Variants in CACNA1A observed in about 807,000 individuals in gnomAD.
CACNA1A encodes the protein voltage-dependent P/Q-type calcium channel subunit alpha-1A.
A neutral mutation model predicts 262.4 loss-of-function variants in CACNA1A; 57 were observed. That is an observed-to-expected ratio of 0.22 (90% CI 0.18 to 0.27). CACNA1A has a LOEUF of 0.27. Among genes scored for constraint, CACNA1A ranks in the 10% least tolerant of loss-of-function variants. CACNA1A has a pLI of 1.00. For synonymous variants in CACNA1A, 1,431 were observed against 1,419.3 expected, an observed-to-expected ratio of 1.01 and a Z score of -0.18; for missense variants, 2,526 against 3,562.8, an observed-to-expected ratio of 0.71 and a Z score of 7.41.
intron 3 of CACNA1A, among the ~76,000 whole-genome samples, chr19:13,440,556 A>G (rs1157588602): frequency 6.6e-6 from 1 of 152,196 alleles, no homozygotes; most frequent in East Asian, 1.9e-4. Context: ...AATATAATTG[A>G]GCACTTATTC....
intron 3 of CACNA1A, among the ~76,000 whole-genome samples, chr19:13,427,408 T>C (rs1224060966): frequency 2.6e-5 from 4 of 151,728 alleles, no homozygotes; most frequent in Non-Finnish European, 4.4e-5. Flanking sequence ...GCCGAGATCA[T>C]GCCATTGCAT....
chr19:13,209,321 C>A lies in CACNA1A; in HGVS notation c.6517G>T (p.Val2173Leu). ...SERSLGRYTD[V>L]DTGLGTDLSM... ...CCACAGGGCTGCCCACCTGTGTCCACATCGGTGTAGCGGCCCAGGGAGCGC... is the reference window on the plus strand; with the variant it reads ...CCACAGGGCTGCCCACCTGTGTCCAAATCGGTGTAGCGGCCCAGGGAGCGC... Residue 2173 changes from valine (V) to leucine (L), a missense_variant, in exon 45 of 47, where the codon GTG becomes TTG. Val to Leu is a conservative substitution (Grantham distance 32). Around this residue, in one of 17 missense-constraint regions of CACNA1A, gnomAD observed 929 missense variants for 868.1 expected, o/e 1.07. Coordinates refer to ENST00000360228, the MANE Select transcript of CACNA1A (RefSeq NM_001127222.2). 2.8e-6 allele frequency: 4 copies of A among 1,406,660 alleles called. No homozygotes were observed. Among genetic ancestry groups the A allele is most frequent in the Non-Finnish European group, 3.7e-6 (4 of 1,076,720 alleles). 87.1% of individuals were successfully genotyped at this position (1,406,660 alleles called of 1,614,324 possible).
chr19:13,451,018 T>C (rs2060905517), intron 3 of CACNA1A: 1 of 152,190 alleles, frequency 6.6e-6, no homozygotes, highest in Non-Finnish European at 1.5e-5. Flanking sequence ...TAGATGAGTT[T>C]CCTAGTAGAC....
intron 3 of CACNA1A, among the ~76,000 whole-genome samples, chr19:13,430,204 A>AAT (rs371009661): frequency 0.12 from 10,581 of 86,158 alleles, 592 homozygotes; most frequent in African/African-American, 0.27. Context: ...ACCACAATGA[A>AAT]ATATATATAT....
chr19:13,455,622 C>A (rs144604901), intron 1 of CACNA1A, among the ~76,000 whole-genome samples: 1 of 152,212 alleles, frequency 6.6e-6, no homozygotes, highest in East Asian at 1.9e-4. Flanking sequence ...ACTGCATATA[C>A]CATGTTATAC....
chr19:13,431,135 G>A (rs559275153), intron 3 of CACNA1A, among the ~76,000 whole-genome samples: 4 of 152,064 alleles, frequency 2.6e-5, no homozygotes, highest in African/African-American at 7.2e-5. Context: ...GAGGTTGTGA[G>A]CAAAGAGGAG....
chr19:13,390,254 C>T (rs923964464), intron 3 of CACNA1A, among the ~76,000 whole-genome samples: 1 of 152,154 alleles, frequency 6.6e-6, no homozygotes, highest in Non-Finnish European at 1.5e-5. Flanking sequence ...GCTGGGACTA[C>T]AGGCATGCAA....
intron 22 of CACNA1A, among the ~76,000 whole-genome samples, chr19:13,279,344 G>A (rs1214869838): frequency 6.6e-6 from 1 of 152,092 alleles, no homozygotes; most frequent in Admixed American, 6.6e-5. Flanking sequence ...ACAGGGAAAT[G>A]CCAAGCACAA....
chr19:13,340,209 T>C (rs951323170), intron 6 of CACNA1A, among the ~76,000 whole-genome samples: 16 of 151,916 alleles, frequency 1.1e-4, no homozygotes, highest in African/African-American at 3.9e-4. Flanking sequence ...AGCCCGTCCA[T>C]CTCAGGTGCT....
chr19:13,506,407 G>C lies in CACNA1A; in HGVS notation c.-183C>G. ...GGCGGCGGCTCGGCGCCTCGGGTCG[G>C]GGGCTCAGAAGGCGGCTGCCCGGGC... On this transcript the variant is annotated 5_prime_UTR_variant, in exon 1 of 47. Transcript: ENST00000360228. The C allele has an allele frequency of 2.3e-6, 1 of 433,688 alleles. No homozygotes were observed. The highest frequency in any genetic ancestry group is 3.8e-6 in the Non-Finnish European group (1 of 260,048). 26.9% of individuals were successfully genotyped at this position (433,688 alleles called of 1,614,324 possible).
chr19:13,257,585 A>G, intron 27 of CACNA1A, 34 bp from the exon 28 acceptor site: 2 of 1,473,942 alleles, frequency 1.4e-6, no homozygotes, highest in Non-Finnish European at 1.9e-6. Flanking sequence ...GGGAAGGGGC[A>G]GGAAGGAGAG....
intron 6 of CACNA1A, among the ~76,000 whole-genome samples, chr19:13,347,740 G>C (rs1242970334): frequency 6.6e-6 from 1 of 152,134 alleles, no homozygotes; most frequent in African/African-American, 2.4e-5. Flanking sequence ...AAGAGTGTCT[G>C]CATACAGTAG....
chr19:13,308,404 C>T lies in CACNA1A; in HGVS notation c.1781+12G>A, dbSNP rs2145005416. 1 of 1,599,116 alleles carries T rather than the reference C, an allele frequency of 6.3e-7. No homozygotes were observed. Among genetic ancestry groups the T allele is most frequent in the South Asian group, 1.1e-5 (1 of 89,310 alleles). On this transcript the variant is annotated intron_variant, in intron 13 of 46. Transcript: ENST00000360228. This position sits in a 1 kb window ranked among gnomAD's most constrained non-coding sequence, Gnocchi z 4.2. ...CCCCCTGTACAAATGTCCAGGAACC[C>T]CAAAGACTTACTTTGTGACTTTGAA...
intron 4 of CACNA1A, 178 bp from the exon 5 acceptor site, chr19:13,365,647 A>C: frequency 1.9e-6 from 1 of 537,780 alleles, no homozygotes; most frequent in South Asian, 3.0e-5. Flanking sequence ...GCTGATCCTT[A>C]TCATGGGAAC....
chr19:13,207,126 CT>C lies in CACNA1A; in HGVS notation c.*186del. ...GCGCCGTGGCTGCCCAGGAGGGTCT[CT>C]TTTGGCCGAGGGTCTCTGCGGGACA... On this transcript the variant is annotated 3_prime_UTR_variant, in exon 47 of 47. Coordinates refer to ENST00000360228, the MANE Select transcript of CACNA1A (RefSeq NM_001127222.2). The surrounding 1 kb of genome is among the most constrained non-coding windows in gnomAD (Gnocchi z 5.7). The C allele has an allele frequency of 1.7e-6, 1 of 582,632 alleles. No homozygotes were observed. Among genetic ancestry groups the C allele is most frequent in the South Asian group, 2.6e-5 (1 of 38,016 alleles). 36.1% of individuals were successfully genotyped at this position (582,632 alleles called of 1,614,324 possible).
intron 38 of CACNA1A, among the ~76,000 whole-genome samples, chr19:13,221,726 A>AAG (rs2055240179): frequency 6.6e-6 from 1 of 152,060 alleles, no homozygotes. Flanking sequence ...GTCTCTGGGC[A>AAG]GTGCCTGACA....
chr19:13,461,395 G>A (rs2061121480), intron 1 of CACNA1A, among the ~76,000 whole-genome samples: 1 of 146,500 alleles, frequency 6.8e-6, no homozygotes, highest in African/African-American at 2.6e-5. Flanking sequence ...ATCACCGGTG[G>A]AGGAAATGAA....
intron 1 of CACNA1A, among the ~76,000 whole-genome samples, chr19:13,494,665 C>T (rs1000365041): frequency 1.3e-5 from 2 of 152,138 alleles, no homozygotes; most frequent in African/African-American, 2.4e-5. Context: ...TCAATTGACT[C>T]ACAGTTCTGC....
intron 1 of CACNA1A, among the ~76,000 whole-genome samples, chr19:13,478,974 G>T (rs563820452): frequency 6.6e-5 from 10 of 152,174 alleles, no homozygotes; most frequent in Non-Finnish European, 1.5e-4. Flanking sequence ...AGGAGTTTGA[G>T]ATCAGCCTGG....
Sources: allele counts gnomAD v4.1 joint callset (sites outside exome capture counted in the v4.1 genomes callset), GRCh38; gene constraint gnomAD v4.1.1; regional missense constraint gnomAD v4.1.1; non-coding constraint Gnocchi (gnomAD v3.1); transcripts MANE v1.5; gene names NCBI Gene and HGNC (gene_info 2026-07-23, HGNC 2026-07-21).